AGBL1: variants seen among roughly 807,000 people sequenced by gnomAD.
The protein encoded by AGBL1 is AGBL carboxypeptidase 1.
Under a neutral mutation model 118.9 loss-of-function variants are expected in AGBL1, and 130 were observed. The observed-to-expected ratio is 1.09, with a 90% confidence interval of 0.95 to 1.26. The LOEUF is 1.26. Ranked by LOEUF, AGBL1 falls within the 50% of genes most tolerant of loss-of-function variation. The pLI is 0.00. For missense variants in AGBL1, 1,584 were observed against 1,298.1 expected (o/e 1.22, Z -3.38); for synonymous variants, 555 against 478.9 (o/e 1.16, Z -2.08).
chr15:86,545,797 T>C (rs988977521), intron 19 of AGBL1, among the ~76,000 whole-genome samples: 1 of 152,202 alleles, frequency 6.6e-6, no homozygotes, highest in Non-Finnish European at 1.5e-5. Flanking sequence ...TCTCCTCTGA[T>C]AACTCCATCG....
chr15:86,735,637 T>C (rs1003457340), intron 22 of AGBL1, among the ~76,000 whole-genome samples: 5 of 142,862 alleles, frequency 3.5e-5, no homozygotes, highest in Non-Finnish European at 7.7e-5. Flanking sequence ...TGTGTGTGTA[T>C]TTCCTGCTAC....
chr15:86,763,388 G>A (rs1267293883), intron 22 of AGBL1, among the ~76,000 whole-genome samples: 1 of 151,842 alleles, frequency 6.6e-6, no homozygotes, highest in East Asian at 1.9e-4. Flanking sequence ...AATTGCAGTA[G>A]AAAATGTTGA....
intron 17 of AGBL1, among the ~76,000 whole-genome samples, chr15:86,382,668 A>T (rs1181513093): frequency 6.6e-6 from 1 of 151,856 alleles, no homozygotes; most frequent in Admixed American, 6.6e-5. Flanking sequence ...CAATAATAAT[A>T]ATAATTATTA....
chr15:86,745,889 A>C (rs2077749518), intron 22 of AGBL1, among the ~76,000 whole-genome samples: 1 of 152,088 alleles, frequency 6.6e-6, no homozygotes, highest in African/African-American at 2.4e-5. Context: ...TTTGGGACAG[A>C]AACTCACAGC....
intron 6 of AGBL1, among the ~76,000 whole-genome samples, chr15:86,232,620 G>A (rs1291262577): frequency 6.6e-6 from 1 of 152,170 alleles, no homozygotes; most frequent in African/African-American, 2.4e-5. Flanking sequence ...TGCATTTTCA[G>A]TGATGTTAGC....
chr15:86,964,008 A>ACTCTCTCTCT (rs71460234), intron 23 of AGBL1, among the ~76,000 whole-genome samples: 12,821 of 139,070 alleles, frequency 0.092, 781 homozygotes, highest in East Asian at 0.23. Flanking sequence ...GAGCCAGGAA[A>ACTCTCTCTCT]CTCTCTCTCT....
In AGBL1 at chr15:86,916,036, CA is replaced by C. The variant is rs1386047332; in HGVS notation, c.*8743del. On this transcript the variant is annotated 3_prime_UTR_variant, in exon 23 of 23. Transcript: ENST00000614907. ...TCAGAAAAGGGCCTTGTTTTCCAAT[CA>C]CCGACTGTCCTGTCTACATTAGCAT... 12 of 152,216 alleles carry C rather than the reference CA, an allele frequency of 7.9e-5. No homozygotes were observed. Among genetic ancestry groups the C allele is most frequent in the Non-Finnish European group, 1.5e-4 (10 of 68,044 alleles). 9.4% of individuals were successfully genotyped at this position (152,216 alleles called of 1,614,324 possible). A position where few individuals can be genotyped will look rare whatever the true frequency, so the allele number is the denominator to read the frequency against.
At chr15:86,239,428 A>G (rs1003396909) in intron 6 of AGBL1, among the ~76,000 whole-genome samples, 1 of 152,190 alleles carries the variant, frequency 6.6e-6, no homozygotes, top group Non-Finnish European at 1.5e-5. Flanking sequence ...GCTTTTGTAC[A>G]TATCCTTATG....
chr15:86,796,768 T>A (rs1567178213), intron 22 of AGBL1, among the ~76,000 whole-genome samples: 1 of 152,176 alleles, frequency 6.6e-6, no homozygotes, highest in Admixed American at 6.5e-5. Flanking sequence ...CAAGGCAGAG[T>A]TGACTATTTG....
chr15:86,169,218 A>G (rs1238027177), intron 5 of AGBL1, among the ~76,000 whole-genome samples: 1 of 152,212 alleles, frequency 6.6e-6, no homozygotes, highest in Non-Finnish European at 1.5e-5. Context: ...GAGTCCTAGA[A>G]AGAAAGCTGC....
At position 86,529,302 on chromosome 15, in the gene AGBL1, G is replaced by A. The variant is rs1170684213; in HGVS notation, c.2685+6363G>A. On this transcript the variant is annotated intron_variant, in intron 19 of 22. Coordinates refer to ENST00000614907, the MANE Select transcript of AGBL1 (RefSeq NM_001386094.1). ...CTGAAAACCAAGGCTCGAGAACTAC[G>A]TGAAGAATGCAGAAGCCTCAGGAGC... Among the ~76,000 whole-genome samples the A allele has an allele frequency of 6.7e-5, 9 of 135,092 alleles. 1 individual carries two copies. Among genetic ancestry groups the A allele is most frequent in the South Asian group, 2.2e-4 (1 of 4,630 alleles). The allele number at this position is 135,092 out of a possible 152,430, so 88.6% of individuals were successfully genotyped here.
At chr15:86,923,209 C>G (rs1186801660) in intron 23 of AGBL1, among the ~76,000 whole-genome samples, 4 of 152,174 alleles carry the variant, frequency 2.6e-5, no homozygotes, top group Non-Finnish European at 5.9e-5. Flanking sequence ...GTAAACAGAT[C>G]TGTTGAATTA....
chr15:86,816,502 A>G (rs1050273933), intron 22 of AGBL1, among the ~76,000 whole-genome samples: 37 of 152,366 alleles, frequency 2.4e-4, no homozygotes, highest in African/African-American at 8.2e-4. Flanking sequence ...AAATAGAAGC[A>G]TAGTTGTAGA....
chr15:86,216,487 A>G (rs2078190808), intron 5 of AGBL1, among the ~76,000 whole-genome samples: 1 of 152,202 alleles, frequency 6.6e-6, no homozygotes. Flanking sequence ...GGATTTTATC[A>G]AATACTTTTC....
intron 24 of AGBL1, among the ~76,000 whole-genome samples, chr15:86,988,693 T>C (rs886275974): frequency 4.6e-5 from 7 of 152,210 alleles, no homozygotes; most frequent in Admixed American, 4.6e-4. Flanking sequence ...ATGTTCGAAT[T>C]ATACTTTGTA....
At position 86,630,055 on chromosome 15, in the gene AGBL1, A is replaced by G. The variant is rs377049764; in HGVS notation, c.2995-44218A>G. On this transcript the variant is annotated intron_variant, in intron 21 of 22. Transcript: ENST00000614907. ...TAAATTCAGCATCTTTAATTCTGCA[A>G]TGTGGTGCTTTGAAGAGGATGAAAA... Among the ~76,000 whole-genome samples the G allele has an allele frequency of 2.3e-3, 349 of 152,344 alleles. 3 individuals carry two copies. Among genetic ancestry groups the G allele is most frequent in the African/African-American group, 8.1e-3 (336 of 41,590 alleles).
chr15:86,336,197 C>A (rs566646687), intron 17 of AGBL1, among the ~76,000 whole-genome samples: 1 of 152,214 alleles, frequency 6.6e-6, no homozygotes, highest in Non-Finnish European at 1.5e-5. Context: ...GTGGTTTGCA[C>A]GGAGCAGAGG....
intron 22 of AGBL1, among the ~76,000 whole-genome samples, chr15:86,880,420 G>A (rs2079874273): frequency 6.6e-6 from 1 of 152,210 alleles, no homozygotes; most frequent in Non-Finnish European, 1.5e-5. Flanking sequence ...TGGAGCAGGG[G>A]ATGGAGAAGT....
At chr15:86,976,738 A>AAAG (rs2081179798) in intron 23 of AGBL1, among the ~76,000 whole-genome samples, 1 of 151,158 alleles carries the variant, frequency 6.6e-6, no homozygotes, top group Non-Finnish European at 1.5e-5. Context: ...ATTTTTTTTT[A>AAAG]AATTCGTATC....
Sources: gnomAD v4.1 joint callset for allele counts (sites outside exome capture counted in the v4.1 genomes callset) on GRCh38, gnomAD v4.1.1 for gene constraint, MANE v1.5 for transcripts, NCBI Gene and HGNC (gene_info 2026-07-23, HGNC 2026-07-21) for gene names.